SYNPR: variants seen among roughly 807,000 people sequenced by gnomAD.
SYNPR encodes the protein synaptoporin.
SYNPR carries 23 observed loss-of-function variants against 32.9 expected under a neutral mutation model. The observed-to-expected ratio is 0.70, with a 90% CI of 0.50 to 0.99. SYNPR has a LOEUF of 0.99. SYNPR is among the 50% of genes least tolerant of loss of function. The pLI is 0.00. For missense variants in SYNPR, 318 were observed against 349.3 expected (o/e 0.91, Z 0.71); for synonymous variants, 146 against 135.9 (o/e 1.07, Z -0.52).
intron 3 of SYNPR, among the ~76,000 whole-genome samples, chr3:63,516,062 A>C (rs991890658): frequency 2.0e-5 from 3 of 152,118 alleles, no homozygotes; most frequent in Non-Finnish European, 4.4e-5. Context: ...TTCAAAAAAA[A>C]TTATATTTTC....
At chr3:63,317,916 G>A (rs2087060363) in intron 2 of SYNPR, among the ~76,000 whole-genome samples, 2 of 151,954 alleles carry the variant, frequency 1.3e-5, no homozygotes, top group Admixed American at 6.6e-5. Flanking sequence ...AAGATTTAGA[G>A]CTCCTTTTAG....
intron 3 of SYNPR, among the ~76,000 whole-genome samples, chr3:63,548,940 AG>A (rs920553439): frequency 6.6e-6 from 1 of 152,216 alleles, no homozygotes; most frequent in African/African-American, 2.4e-5. Flanking sequence ...ATAATTTCAA[AG>A]GTCTTATTAT....
rs1223696324 is a variant in SYNPR at position 63,257,338 on chromosome 3, A to C, written n.154+4752A>C. Among the ~76,000 whole-genome samples the C allele has an allele frequency of 4.6e-5, 7 of 152,240 alleles. No homozygotes were observed. In the South Asian group the frequency reaches 1.2e-3, roughly 27 times the overall value. On this transcript the variant is annotated intron_variant and non_coding_transcript_variant, in intron 2 of 4. Coordinates refer to the SYNPR transcript ENST00000478456. ...AGAGAGAAAGGTCGGGTTACCCACA[A>C]AGGGAAGCCTACCAGACTAACAGCA... is the stretch of plus-strand genomic sequence containing the variant.
At chr3:63,253,186 T>G (rs879171824) in intron 2 of SYNPR, among the ~76,000 whole-genome samples, 19 of 152,154 alleles carry the variant, frequency 1.2e-4, no homozygotes, top group African/African-American at 4.1e-4. Flanking sequence ...AATCACCATT[T>G]GAGGGTGGAT....
chr3:63,518,461 T>C (rs1260805677), intron 3 of SYNPR, among the ~76,000 whole-genome samples: 1 of 152,074 alleles, frequency 6.6e-6, no homozygotes, highest in African/African-American at 2.4e-5. Flanking sequence ...ACTATGGAAA[T>C]AGGCTGCCCA....
chr3:63,343,279 G>C (rs1381639454), intron 2 of SYNPR, among the ~76,000 whole-genome samples: 1 of 152,282 alleles, frequency 6.6e-6, no homozygotes, highest in South Asian at 2.1e-4. Context: ...GTTTTAAGCA[G>C]GAAAAATCAT....
intron 2 of SYNPR, among the ~76,000 whole-genome samples, chr3:63,257,544 G>A (rs1214331072): frequency 7.9e-5 from 12 of 152,060 alleles, no homozygotes; most frequent in Admixed American, 3.3e-4. Flanking sequence ...CACCAGGCCT[G>A]CCCTAAAAGA....
At chr3:63,205,226 T>C in the SYNPR span, among the ~76,000 whole-genome samples, 6 of 152,210 alleles carry the variant, frequency 3.9e-5, no homozygotes, top group Non-Finnish European at 8.8e-5. Flanking sequence ...TTGCATTCTA[T>C]TGTATCCCTA....
chr3:63,201,848 T>C, the SYNPR span, among the ~76,000 whole-genome samples: 1 of 152,162 alleles, frequency 6.6e-6, no homozygotes, highest in Non-Finnish European at 1.5e-5. Flanking sequence ...AACATAAAAC[T>C]TGAATTATAG....
At chr3:63,614,565 C>G (rs554871603) in intron 5 of SYNPR, among the ~76,000 whole-genome samples, 2 of 152,316 alleles carry the variant, frequency 1.3e-5, no homozygotes, top group Non-Finnish European at 2.9e-5. Context: ...CTGTGAGAGG[C>G]ACAGAAAGTG....
intron 3 of SYNPR, among the ~76,000 whole-genome samples, chr3:63,542,520 G>C (rs1208392454): frequency 6.6e-6 from 1 of 152,058 alleles, no homozygotes; most frequent in Non-Finnish European, 1.5e-5. Context: ...GGCTGTCTAA[G>C]TCTGACCTCT....
chr3:63,440,056 G>A (rs1376241681), intron 2 of SYNPR, among the ~76,000 whole-genome samples: 1 of 152,122 alleles, frequency 6.6e-6, no homozygotes, highest in African/African-American at 2.4e-5. Flanking sequence ...TAAGCAAGAA[G>A]GTATCAGGCA....
At position 63,498,944 on chromosome 3, in the gene SYNPR, C is replaced by T. The variant is rs571055052; in HGVS notation, c.209+17988C>T. 3.3e-5 allele frequency among the ~76,000 whole-genome samples: 4 copies of T among 120,222 alleles called. No homozygotes were observed. In the South Asian group the frequency reaches 7.6e-4, roughly 23 times the overall value. The allele number at this position is 120,222 out of a possible 152,430, so 78.9% of individuals were successfully genotyped here. A position where few individuals can be genotyped will look rare whatever the true frequency, so the allele number is the denominator to read the frequency against. ...GCCCGGGCAACATAGTGGGACCTCA[C>T]CTCTAAAAAAAAAAAAAAAGAATAA... On this transcript the variant is annotated intron_variant, in intron 3 of 5. Transcript: ENST00000478300.
At chr3:63,399,932 C>A (rs748349618) in intron 2 of SYNPR, among the ~76,000 whole-genome samples, 22 of 152,104 alleles carry the variant, frequency 1.4e-4, no homozygotes, top group Non-Finnish European at 2.5e-4. Flanking sequence ...TTATTTTGTG[C>A]GTATCCTATT....
At chr3:63,293,510 G>C (rs965793371) in intron 2 of SYNPR, among the ~76,000 whole-genome samples, 1 of 152,140 alleles carries the variant, frequency 6.6e-6, no homozygotes, top group Non-Finnish European at 1.5e-5. Flanking sequence ...CAAAAATGAT[G>C]TATTAGTTTG....
chr3:63,562,225 A>C (rs1274069158), intron 4 of SYNPR, among the ~76,000 whole-genome samples: 7 of 152,190 alleles, frequency 4.6e-5, no homozygotes, highest in Non-Finnish European at 1.0e-4. Context: ...TTCAGATCTC[A>C]AGTCAAATAA....
chr3:63,422,408 G>A (rs1042568389), intron 2 of SYNPR, among the ~76,000 whole-genome samples: 6 of 152,132 alleles, frequency 3.9e-5, no homozygotes, highest in Middle Eastern at 3.4e-3. Flanking sequence ...CGTCTACAGC[G>A]CATTGAGTGA....
At chr3:63,370,808 T>G (rs991964876) in intron 2 of SYNPR, among the ~76,000 whole-genome samples, 1 of 152,126 alleles carries the variant, frequency 6.6e-6, no homozygotes, top group Non-Finnish European at 1.5e-5. Context: ...AATTCATAGG[T>G]GAGAACCTTG....
At chr3:63,418,664 C>T (rs1425296525) in intron 2 of SYNPR, among the ~76,000 whole-genome samples, 1 of 152,220 alleles carries the variant, frequency 6.6e-6, no homozygotes, top group Non-Finnish European at 1.5e-5. Context: ...ACGTCTTACA[C>T]AACATGGCAG....
Sources: allele counts gnomAD v4.1 joint callset (sites outside exome capture counted in the v4.1 genomes callset), GRCh38; gene constraint gnomAD v4.1.1; transcripts MANE v1.5; gene names NCBI Gene and HGNC (gene_info 2026-07-23, HGNC 2026-07-21).